The following CPM variants were observed in gnomAD, a reference collection of about 807,000 sequenced individuals.
CPM encodes the protein renal carboxypeptidase.
Under a neutral mutation model 46.4 loss-of-function variants are expected in CPM, and 35 were observed. That is an observed-to-expected ratio of 0.75 (90% CI 0.58 to 1.00). The LOEUF (loss-of-function observed/expected upper bound fraction) is 1.00, where lower values mean the gene tolerates loss of function less well. CPM is among the 50% of genes least tolerant of loss of function. CPM has a pLI of 0.00. For synonymous variants in CPM, 195 were observed against 195.3 expected (o/e 1.00, Z 0.01); for missense variants, 422 against 530.4 (o/e 0.80, Z 2.01).
At chr12:68,901,121 T>C (rs1367728200) in intron 2 of CPM, among the ~76,000 whole-genome samples, 1 of 152,194 alleles carries the variant, frequency 6.6e-6, no homozygotes, top group African/African-American at 2.4e-5. Context: ...AATTTTGCTT[T>C]TGGGTACTGG....
rs140807579 is a variant in CPM at position 68,866,940 on chromosome 12, T to C, written c.896A>G (p.Asn299Ser). 1.8e-5 allele frequency: 29 copies of C among 1,614,040 alleles called. No individual in the cohort carries two copies. In the African/African-American group the frequency reaches 3.3e-4, roughly 19 times the overall value. The stretch of plus-strand genomic sequence containing the variant: ...ATATTCAATTAATGAGGCTTTGTTA[T>C]TATTCCAAAAGGATGGAAGCTTCTC... The part of the protein sequence containing the change: ...REEKLPSFWN[N>S]NKASLIEYIK... The change falls in exon 7 of 9, where the codon AAT becomes AGT. Residue 299 changes from asparagine (N) to serine (S), a missense_variant. Asn to Ser is a conservative substitution (Grantham distance 46). Transcript: ENST00000551568.
downstream of CPM, chr12:68,847,716 G>A (rs1039928685): frequency 1.3e-5 from 2 of 151,668 alleles, no homozygotes; most frequent in African/African-American, 4.8e-5. Context: ...GCCTCCCAAA[G>A]TGCTGGGATT....
At chr12:68,869,585 A>G (rs1403591421) in intron 5 of CPM, 90 bp from the exon 6 acceptor site, 3 of 1,138,374 alleles carry the variant, frequency 2.6e-6, no homozygotes, top group Non-Finnish European at 3.7e-6. Context: ...TAATCGCATC[A>G]CACACACATG....
chr12:68,931,247 TTTTGA>T (rs1888486595), intron 2 of CPM, among the ~76,000 whole-genome samples: 1 of 152,204 alleles, frequency 6.6e-6, no homozygotes, highest in Non-Finnish European at 1.5e-5. Flanking sequence ...GCCTTGATTT[TTTTGA>T]AAAATGATGA....
At chr12:68,901,066 G>A (rs955951322) in intron 2 of CPM, among the ~76,000 whole-genome samples, 1 of 152,194 alleles carries the variant, frequency 6.6e-6, no homozygotes, top group African/African-American at 2.4e-5. Flanking sequence ...GGGACAAGGG[G>A]TATGTGGGAA....
chr12:68,947,306 T>C (rs761905563), intron 1 of CPM, among the ~76,000 whole-genome samples: 1 of 152,162 alleles, frequency 6.6e-6, no homozygotes, highest in Non-Finnish European at 1.5e-5. Flanking sequence ...ACATTAGAAA[T>C]AATTTTGAGG....
At chr12:68,873,858 T>C (rs1885821234) in intron 3 of CPM, among the ~76,000 whole-genome samples, 1 of 151,790 alleles carries the variant, frequency 6.6e-6, no homozygotes. Context: ...CAGGCTAGAG[T>C]GCAGTGGCAC....
chr12:68,910,978 A>G (rs1653441770), intron 2 of CPM, among the ~76,000 whole-genome samples: 1 of 152,218 alleles, frequency 6.6e-6, no homozygotes, highest in Non-Finnish European at 1.5e-5. Context: ...ATGAAAAAAA[A>G]ATACCTTGTT....
intron 2 of CPM, among the ~76,000 whole-genome samples, chr12:68,906,364 C>T (rs969296906): frequency 3.9e-5 from 6 of 152,070 alleles, no homozygotes; most frequent in Non-Finnish European, 8.8e-5. Flanking sequence ...CTCTAATTCA[C>T]GCCATTAAGA....
rs1324948858 is a variant in CPM, at chr12:68,856,691, C to T, written c.1090-12G>A. Reference sequence around the variant, plus strand: ...CCAGGGACTGTAACCTGAGAAGAAACAAGAGACAATTATATGAGTGACTTA... The same window carrying T: ...CCAGGGACTGTAACCTGAGAAGAAATAAGAGACAATTATATGAGTGACTTA... On this transcript the variant is annotated splice_polypyrimidine_tract_variant and intron_variant, in intron 8 of 8. Transcript: ENST00000551568. 6.2e-7 allele frequency: 1 copy of T among 1,612,056 alleles called. No homozygotes were observed. Among genetic ancestry groups the T allele is most frequent in the East Asian group, 2.2e-5 (1 of 44,848 alleles).
At chr12:68,863,502 C>T (rs1333308910) in intron 7 of CPM, among the ~76,000 whole-genome samples, 1 of 152,134 alleles carries the variant, frequency 6.6e-6, no homozygotes, top group Non-Finnish European at 1.5e-5. Flanking sequence ...CACCAAGGGG[C>T]CCGAGTTTCA....
At chr12:68,901,183 G>T (rs1180991232) in intron 2 of CPM, among the ~76,000 whole-genome samples, 1 of 152,106 alleles carries the variant, frequency 6.6e-6, no homozygotes, top group Non-Finnish European at 1.5e-5. Flanking sequence ...GCCACAGTAG[G>T]TACAGCAAAT....
At chr12:68,952,113 T>C (rs1030868010) in intron 1 of CPM, among the ~76,000 whole-genome samples, 15 of 152,246 alleles carry the variant, frequency 9.9e-5, no homozygotes, top group African/African-American at 3.6e-4. Context: ...AATAAGGGTA[T>C]ATCCTCTTGA....
At chr12:68,866,773 C>T (rs1885468748) in intron 7 of CPM, 123 bp downstream of exon 7, 15 of 782,904 alleles carry the variant, frequency 1.9e-5, no homozygotes, top group Non-Finnish European at 8.4e-6. Context: ...ACCATCAGAT[C>T]TGGCACTGAA....
At chr12:68,926,718 C>G (rs1384294265) in intron 2 of CPM, among the ~76,000 whole-genome samples, 1 of 152,100 alleles carries the variant, frequency 6.6e-6, no homozygotes, top group Non-Finnish European at 1.5e-5. Context: ...CCCGCTCCCC[C>G]AACCCCACAA....
intron 6 of CPM, 69 bp downstream of exon 6, chr12:68,869,256 C>A: frequency 6.8e-7 from 1 of 1,476,132 alleles, no homozygotes; most frequent in South Asian, 1.2e-5. Context: ...ACTGCTGGAT[C>A]AAAATAAACC....
At chr12:68,843,820 C>G (rs559295677) in intron 5 of CPM, 2 of 219,136 alleles carry the variant, frequency 9.1e-6, no homozygotes, top group South Asian at 3.7e-4. Context: ...AGCAGAATCT[C>G]TTTTTTTTGG....
chr12:68,858,734 T>G (rs1025926652), intron 8 of CPM, among the ~76,000 whole-genome samples, 189 bp downstream of exon 8: 21 of 121,954 alleles, frequency 1.7e-4, no homozygotes, highest in South Asian at 7.0e-4. Context: ...ATTTTTGTGG[T>G]TTTTTTTTTT....
Position 68,871,919 on chromosome 12 carries a change from T to G in CPM, c.296A>C (p.Tyr99Ser), listed in dbSNP as rs200159655. The change falls in exon 4 of 9, where the codon TAT becomes TCT. Residue 99 changes from tyrosine to serine, a missense_variant. Transcript: ENST00000551568. ...GTCTTTGCCATCACTGGTTACGAGA[T>G]AGTCAATCAGATGGAGCAGCAGCTC... is the stretch of plus-strand genomic sequence containing the variant. Reference protein sequence around the residue: ...GRELLLHLIDYLVTSDGKDPE... With the variant: ...GRELLLHLIDSLVTSDGKDPE... The G allele has an allele frequency of 1.4e-5, 22 of 1,613,956 alleles. No homozygotes were observed. The highest frequency in any genetic ancestry group is 1.9e-5 in the Non-Finnish European group (22 of 1,180,022).
Sources: gnomAD v4.1 joint callset for allele counts (sites outside exome capture counted in the v4.1 genomes callset) on GRCh38, gnomAD v4.1.1 for gene constraint, MANE v1.5 for transcripts, NCBI Gene and HGNC (gene_info 2026-07-23, HGNC 2026-07-21) for gene names.